Variants in ABAT observed in about 807,000 individuals in gnomAD.
The protein encoded by ABAT is 4-aminobutyrate aminotransferase, mitochondrial.
A neutral mutation model predicts 64.6 loss-of-function variants in ABAT; 45 were observed. The observed-to-expected ratio is 0.70, with a 90% CI of 0.55 to 0.89. The LOEUF (loss-of-function observed/expected upper bound fraction) is 0.89. ABAT is among the 40% of genes least tolerant of loss of function. The pLI, the probability that ABAT is intolerant of heterozygous loss-of-function variation, is 0.00. For synonymous variants in ABAT, 297 were observed against 250.5 expected (o/e 1.19, Z -1.75); for missense variants, 633 against 658.4 (o/e 0.96, Z 0.42).
chr16:8,754,283 A>G (rs1266059726), intron 5 of ABAT, among the ~76,000 whole-genome samples: 1 of 150,746 alleles, frequency 6.6e-6, no homozygotes, highest in Non-Finnish European at 1.5e-5. Flanking sequence ...TAAGCTAGGG[A>G]GGTTGAGGCT....
At chr16:8,686,993 C>T (rs1165377669) in intron 1 of ABAT, among the ~76,000 whole-genome samples, 1 of 152,098 alleles carries the variant, frequency 6.6e-6, no homozygotes, top group Non-Finnish European at 1.5e-5. Context: ...TGCAGAGTGG[C>T]CTTGGATGGG....
At chr16:8,734,401 A>T (rs1005403254) in intron 1 of ABAT, among the ~76,000 whole-genome samples, 1 of 148,306 alleles carries the variant, frequency 6.7e-6, no homozygotes, top group Non-Finnish European at 1.5e-5. Context: ...ACTTGTTGCA[A>T]AATAAATAGA....
chr16:8,690,894 G>A (rs571534292), intron 1 of ABAT, among the ~76,000 whole-genome samples: 1 of 152,276 alleles, frequency 6.6e-6, no homozygotes, highest in East Asian at 1.9e-4. Context: ...GTAGGTGGCC[G>A]CTGTGTTCTT....
chr16:8,754,385 C>G (rs745955018), intron 5 of ABAT, among the ~76,000 whole-genome samples: 2 of 151,718 alleles, frequency 1.3e-5, no homozygotes, highest in Non-Finnish European at 2.9e-5. Flanking sequence ...AGAAAAGGTT[C>G]AAGGGGTGGA....
chr16:8,711,957 T>C (rs1039314844), intron 1 of ABAT, among the ~76,000 whole-genome samples: 1 of 150,406 alleles, frequency 6.6e-6, no homozygotes, highest in African/African-American at 2.5e-5. Flanking sequence ...TTACTATTTT[T>C]GGCCAGGTGC....
At position 8,764,401 on chromosome 16, in the gene ABAT, G is replaced by A. The variant is rs1383198561; in HGVS notation, c.447+252G>A. Among the ~76,000 whole-genome samples the A allele has an allele frequency of 1.3e-5, 2 of 152,122 alleles. No individual in the cohort carries two copies. The highest frequency in any genetic ancestry group is 2.9e-5 in the Non-Finnish European group (2 of 68,018). The stretch of plus-strand genomic sequence containing the variant: ...AGCCTTGCATATGTCATTCAATCCT[G>A]CCCCCACTTCTCGGTTTTAGTTACT... On this transcript the variant is annotated intron_variant, in intron 7 of 15. Coordinates refer to ENST00000268251, the MANE Select transcript of ABAT (RefSeq NM_020686.6). This position sits in a 1 kb window ranked among gnomAD's most constrained non-coding sequence, Gnocchi z 4.2.
chr16:8,743,886 G>C (rs1460998785), intron 2 of ABAT, among the ~76,000 whole-genome samples: 1 of 152,040 alleles, frequency 6.6e-6, no homozygotes, highest in Non-Finnish European at 1.5e-5. Context: ...GAAAGATCAA[G>C]AGTAACACTG....
At chr16:8,758,695 G>A (rs2059711453) in intron 6 of ABAT, among the ~76,000 whole-genome samples, 1 of 152,176 alleles carries the variant, frequency 6.6e-6, no homozygotes, top group African/African-American at 2.4e-5. Context: ...AATGTCTGCA[G>A]ACATGGCCAG....
Position 8,735,719 on chromosome 16 carries a change from G to A in ABAT, c.-21G>A. On this transcript the variant is annotated 5_prime_UTR_variant, in exon 2 of 16. Transcript: ENST00000268251. ...TTCAGGGTGGCAGCACGCAAAGGGT[G>A]TCCCTGTCCCTCAAGGGGTCATGGC... 1.3e-6 allele frequency: 2 copies of A among 1,586,542 alleles called. 1 individual carries two copies. Among genetic ancestry groups the A allele is most frequent in the South Asian group, 2.3e-5 (2 of 87,130 alleles).
Position 8,781,454 on chromosome 16 carries a change from G to A in ABAT, c.*24G>A. 2 of 1,614,040 alleles carry A rather than the reference G, an allele frequency of 1.2e-6. No homozygotes were observed. The highest frequency in any genetic ancestry group is 2.2e-5 in the East Asian group (1 of 44,886). On this transcript the variant is annotated 3_prime_UTR_variant, in exon 16 of 16. Coordinates refer to ENST00000268251, the MANE Select transcript of ABAT (RefSeq NM_020686.6). The surrounding 1 kb of genome is among the most constrained non-coding windows in gnomAD (Gnocchi z 4.5). ...AAAGAAGCCATTTCCACTACAGTGA[G>A]AAAGCCCGGATCCCAACAGTTGTCA...
At chr16:8,747,566 G>C (rs2059369590) in intron 3 of ABAT, among the ~76,000 whole-genome samples, 1 of 152,036 alleles carries the variant, frequency 6.6e-6, no homozygotes, top group African/African-American at 2.4e-5. Context: ...ATAATTTTAT[G>C]ACACTAACTG....
intron 1 of ABAT, among the ~76,000 whole-genome samples, chr16:8,723,576 C>A (rs2058436618): frequency 6.6e-6 from 1 of 152,036 alleles, no homozygotes; most frequent in Non-Finnish European, 1.5e-5. Context: ...TCTTCAGCAG[C>A]AAGTATAAGA....
At chr16:8,745,331 C>T (rs1461632362) in intron 2 of ABAT, among the ~76,000 whole-genome samples, 2 of 152,164 alleles carry the variant, frequency 1.3e-5, no homozygotes, top group Non-Finnish European at 2.9e-5. Flanking sequence ...CTACCTCCAT[C>T]TTTGTGTACT....
chr16:8,774,299 C>T (rs1236521764), intron 12 of ABAT, among the ~76,000 whole-genome samples: 5 of 152,058 alleles, frequency 3.3e-5, no homozygotes, highest in South Asian at 2.1e-4. Flanking sequence ...TTCTGTATCT[C>T]GGCTATTGTG....
intron 9 of ABAT, among the ~76,000 whole-genome samples, chr16:8,767,608 G>A (rs987986544): frequency 6.6e-6 from 1 of 152,160 alleles, no homozygotes. Context: ...AGGAAAATGG[G>A]TCCAAACAGT....
intron 1 of ABAT, among the ~76,000 whole-genome samples, chr16:8,734,706 A>G (rs1254116657): frequency 6.6e-6 from 1 of 152,206 alleles, no homozygotes; most frequent in African/African-American, 2.4e-5. Flanking sequence ...GTTCTGAGAT[A>G]CAAATTTTGT....
At chr16:8,699,672 C>T (rs563300067) in intron 1 of ABAT, among the ~76,000 whole-genome samples, 24 of 152,200 alleles carry the variant, frequency 1.6e-4, no homozygotes, top group Middle Eastern at 6.8e-3. Flanking sequence ...AACGATCCTC[C>T]AACCCCATCC....
chr16:8,743,426 T>TAC (rs2059226377), intron 2 of ABAT, among the ~76,000 whole-genome samples: 1 of 65,020 alleles, frequency 1.5e-5, no homozygotes, highest in Non-Finnish European at 3.2e-5. Context: ...GAAACAGTTA[T>TAC]ATATATATAT....
At chr16:8,771,308 A>G (rs961848896) in intron 11 of ABAT, among the ~76,000 whole-genome samples, 1 of 151,850 alleles carries the variant, frequency 6.6e-6, no homozygotes, top group Non-Finnish European at 1.5e-5. Flanking sequence ...AAAAAAAAAA[A>G]AGAAAACCAA....
Sources: gnomAD v4.1 joint callset for allele counts (sites outside exome capture counted in the v4.1 genomes callset) on GRCh38, gnomAD v4.1.1 for gene constraint, Gnocchi (gnomAD v3.1) non-coding constraint, MANE v1.5 for transcripts, NCBI Gene and HGNC (gene_info 2026-07-23, HGNC 2026-07-21) for gene names.